The following DGAT2L6 variants were observed in gnomAD, a reference collection of about 807,000 sequenced individuals.
DGAT2L6 encodes diacylglycerol O-acyltransferase 2 like 6, also known as diacylglycerol O-acyltransferase 2-like protein 6.
DGAT2L6 carries 22 observed loss-of-function variants against 25.5 expected under a neutral mutation model. The ratio of observed to expected loss-of-function variants is 0.86; its 90% CI spans 0.62 to 1.23. The LOEUF is 1.23. Among genes scored for constraint, DGAT2L6 ranks in the 50% most tolerant of loss-of-function variants. DGAT2L6 has a pLI of 0.00. For missense variants in DGAT2L6, 287 were observed against 253.2 expected (o/e 1.13, Z -0.91); for synonymous variants, 100 against 94.7 (o/e 1.06, Z -0.32).
chrX:70,202,729 G>A (rs1257585187), intron 5 of DGAT2L6, among the ~76,000 whole-genome samples: 2 of 111,447 alleles, frequency 1.8e-5, no homozygotes, highest in African/African-American at 6.5e-5. Context: ...TGCTCTTCCT[G>A]TATCTATTCC....
intron 5 of DGAT2L6, among the ~76,000 whole-genome samples, chrX:70,202,358 C>G (rs938000194): frequency 2.4e-4 from 27 of 111,992 alleles, no homozygotes; most frequent in Admixed American, 1.9e-4. Flanking sequence ...TCTATATCAA[C>G]CTGTTAACTG....
chrX:70,188,245 TAAAG>T (rs2085365344), intron 1 of DGAT2L6, among the ~76,000 whole-genome samples: 1 of 111,060 alleles, frequency 9.0e-6, no homozygotes, highest in African/African-American at 3.3e-5. Context: ...GGATCAGGGA[TAAAG>T]AGTGACATTA....
intron 1 of DGAT2L6, among the ~76,000 whole-genome samples, chrX:70,183,631 T>C (rs780753247): frequency 8.9e-6 from 1 of 112,068 alleles, no homozygotes; most frequent in African/African-American, 3.2e-5. Context: ...AGATTTCTTC[T>C]TCCTCAGCAG....
At chrX:70,200,600 G>A (rs2085406962) in intron 4 of DGAT2L6, 141 bp downstream of exon 4, 1 of 552,882 alleles carries the variant, frequency 1.8e-6, no homozygotes, top group Non-Finnish European at 2.9e-6. Context: ...ACAGGAGTAT[G>A]TGGCTAAGCA....
intron 1 of DGAT2L6, among the ~76,000 whole-genome samples, chrX:70,185,141 C>T (rs1371538394): frequency 9.0e-5 from 10 of 111,311 alleles, no homozygotes; most frequent in Admixed American, 9.5e-5. Flanking sequence ...TCCTGTACCA[C>T]GGCTTCCTTA....
At position 70,177,514 on chromosome X, in the gene DGAT2L6, A is replaced by C. The variant is rs767393735; in HGVS notation, c.-69A>C. 9.5e-5 allele frequency: 94 copies of C among 991,071 alleles called. No homozygotes were observed. Among genetic ancestry groups the C allele is most frequent in the Non-Finnish European group, 1.3e-4 (89 of 705,338 alleles). 81.7% of individuals were successfully genotyped at this position (991,071 alleles called of 1,213,427 possible). On this transcript the variant is annotated 5_prime_UTR_variant, in exon 1 of 7. Coordinates refer to ENST00000333026, the MANE Select transcript of DGAT2L6 (RefSeq NM_198512.3). Reference sequence around the variant, plus strand: ...AAGAGATTATAGCAAAGCATCTATAATCAACTCAGCTTAAGAAGTTTTGAC... The same window carrying C: ...AAGAGATTATAGCAAAGCATCTATACTCAACTCAGCTTAAGAAGTTTTGAC...
At chrX:70,196,957 C>A (rs971307859) in intron 1 of DGAT2L6, among the ~76,000 whole-genome samples, 1 of 111,744 alleles carries the variant, frequency 8.9e-6, no homozygotes, top group African/African-American at 3.3e-5. Context: ...GCTACCAATG[C>A]GCATATATTA....
chrX:70,181,129 C>A (rs1199079302), intron 1 of DGAT2L6, among the ~76,000 whole-genome samples: 1 of 112,261 alleles, frequency 8.9e-6, no homozygotes, highest in Non-Finnish European at 1.9e-5. Flanking sequence ...GAATTGCCAT[C>A]CTGTTTTCCT....
chrX:70,200,174 G>T lies in DGAT2L6; in HGVS notation c.268-81G>T, dbSNP rs776212908. ...TTTGGGGCTCCCAGAGGGAAACATA[G>T]GCTACCTGCTGGGATTTTAGTCCAC... On this transcript the variant is annotated intron_variant, in intron 3 of 6. Transcript: ENST00000333026. 1.1e-4 allele frequency: 107 copies of T among 976,428 alleles called. No individual in the cohort carries two copies. In the East Asian group the frequency reaches 3.2e-3, roughly 29 times the overall value. 80.5% of individuals were successfully genotyped at this position (976,428 alleles called of 1,213,427 possible).
At chrX:70,195,031 A>G (rs761601090) in intron 1 of DGAT2L6, among the ~76,000 whole-genome samples, 1 of 111,903 alleles carries the variant, frequency 8.9e-6, no homozygotes, top group Non-Finnish European at 1.9e-5. Context: ...AAGAACTCAT[A>G]CCACTCAATA....
intron 4 of DGAT2L6, among the ~76,000 whole-genome samples, 199 bp downstream of exon 4, chrX:70,200,658 G>A (rs1221234295): frequency 9.0e-6 from 1 of 111,064 alleles, no homozygotes; most frequent in Non-Finnish European, 1.9e-5. Flanking sequence ...TGGGCAGCAG[G>A]GGAAATTATA....
chrX:70,193,641 T>C (rs1456610168), intron 1 of DGAT2L6, among the ~76,000 whole-genome samples: 1 of 111,894 alleles, frequency 8.9e-6, no homozygotes, highest in Non-Finnish European at 1.9e-5. Flanking sequence ...AGAAGAAGAA[T>C]AAAAATCATA....
chrX:70,186,861 C>G (rs1199505), intron 1 of DGAT2L6, among the ~76,000 whole-genome samples: 32,200 of 111,156 alleles, frequency 0.29, 4,264 homozygotes, highest in African/African-American at 0.52. Context: ...GTGAGTACGG[C>G]TACTGAGAGA....
chrX:70,188,075 T>C (rs1230310784), intron 1 of DGAT2L6, among the ~76,000 whole-genome samples: 1 of 112,074 alleles, frequency 8.9e-6, no homozygotes, highest in Non-Finnish European at 1.9e-5. Context: ...AAGTGTACAA[T>C]AGATATTGGC....
Position 70,205,165 on chromosome X carries a change from A to G in DGAT2L6, c.*59A>G. The G allele has an allele frequency of 9.3e-7, 1 of 1,073,003 alleles. No homozygotes were observed. The allele number at this position is 1,073,003 out of a possible 1,213,427, so 88.4% of individuals were successfully genotyped here. A position where few individuals can be genotyped will look rare whatever the true frequency, so the allele number is the denominator to read the frequency against. ...AGCCATGAGGGATCCAAGTAGAGCC[A>G]CAGAAAAAGAAGAATTCCAGGAGAG... On this transcript the variant is annotated 3_prime_UTR_variant, in exon 7 of 7. Coordinates refer to ENST00000333026, the MANE Select transcript of DGAT2L6 (RefSeq NM_198512.3).
intron 1 of DGAT2L6, among the ~76,000 whole-genome samples, chrX:70,185,878 G>GTT (rs34139264): frequency 6.7e-4 from 64 of 94,822 alleles, no homozygotes; most frequent in African/African-American, 2.3e-3. Flanking sequence ...TTGTTTTTTT[G>GTT]TTTTTTTTTT....
At chrX:70,204,768 C>T (rs1457396991) in intron 6 of DGAT2L6, among the ~76,000 whole-genome samples, 184 bp from the exon 7 acceptor site, 1 of 111,684 alleles carries the variant, frequency 9.0e-6, no homozygotes, top group Non-Finnish European at 1.9e-5. Context: ...CTTGCATTCT[C>T]TTGAGCATGG....
chrX:70,192,815 A>T (rs757511345), intron 1 of DGAT2L6, among the ~76,000 whole-genome samples: 1 of 111,980 alleles, frequency 8.9e-6, no homozygotes, highest in African/African-American at 3.2e-5. Flanking sequence ...CAAGGAAAAA[A>T]GAGACACAAT....
intron 5 of DGAT2L6, among the ~76,000 whole-genome samples, chrX:70,202,970 C>T (rs1283965083): frequency 3.6e-5 from 4 of 112,018 alleles, no homozygotes; most frequent in Non-Finnish European, 7.5e-5. Flanking sequence ...ATAGCTATAC[C>T]GGCCTCTTTG....
Sources: allele counts gnomAD v4.1 joint callset (sites outside exome capture counted in the v4.1 genomes callset), GRCh38; gene constraint gnomAD v4.1.1; transcripts MANE v1.5; gene names NCBI Gene and HGNC (gene_info 2026-07-23, HGNC 2026-07-21).